Variants in TEX11 observed in about 807,000 individuals in gnomAD.
TEX11 encodes testis-expressed protein 11.
Under a neutral mutation model 84.4 loss-of-function variants are expected in TEX11, and 7 were observed. The observed-to-expected ratio is 0.08, with a 90% CI of 0.05 to 0.16. The LOEUF is 0.16. Ranked by LOEUF, TEX11 falls within the 10% of genes least tolerant of loss-of-function variation. The pLI is 1.00. For missense variants in TEX11, 551 were observed against 660.5 expected, an observed-to-expected ratio of 0.83 and a Z score of 1.82; for synonymous variants, 264 against 222.8, an observed-to-expected ratio of 1.18 and a Z score of -1.64.
In TEX11 at chrX:70,789,270, A is replaced by G. The variant is rs1295377893; in HGVS notation, c.692+17435T>C. Among the ~76,000 whole-genome samples the G allele has an allele frequency of 2.7e-5, 3 of 110,822 alleles. No homozygotes were observed. In the East Asian group the frequency reaches 8.5e-4, roughly 32 times the overall value. ...ACAGATATATGAAAAAATGCTCAAA[A>G]TCGCTACACATTAGGGAAGCTCAAA... On this transcript the variant is annotated intron_variant, in intron 9 of 29. Coordinates refer to ENST00000374333, the MANE Select transcript of TEX11 (RefSeq NM_031276.3).
intron 13 of TEX11, among the ~76,000 whole-genome samples, chrX:70,722,167 C>T (rs1199042364): frequency 8.9e-6 from 1 of 112,127 alleles, no homozygotes; most frequent in African/African-American, 3.2e-5. Flanking sequence ...AATAGAACTT[C>T]CCTGTGACAA....
At chrX:70,800,207 CAAA>C (rs2091178809) in intron 9 of TEX11, among the ~76,000 whole-genome samples, 1 of 110,442 alleles carries the variant, frequency 9.1e-6, no homozygotes, top group Non-Finnish European at 1.9e-5. Flanking sequence ...CTCATGAACA[CAAA>C]GAAGAGAACA....
At chrX:70,907,956 G>A (rs997591224) in intron 1 of TEX11, 146 bp from the exon 2 acceptor site, 12 of 439,797 alleles carry the variant, frequency 2.7e-5, no homozygotes, top group Admixed American at 4.1e-5. Flanking sequence ...AAGGGCTTTT[G>A]TGAGGGGCAG....
chrX:70,720,614 C>A (rs2090551131), intron 13 of TEX11, among the ~76,000 whole-genome samples: 1 of 110,067 alleles, frequency 9.1e-6, no homozygotes, highest in Non-Finnish European at 1.9e-5. Flanking sequence ...AATGCCTGGG[C>A]AATCTTTTCC....
At chrX:70,835,255 T>C (rs2091399403) in intron 7 of TEX11, among the ~76,000 whole-genome samples, 1 of 112,012 alleles carries the variant, frequency 8.9e-6, no homozygotes, top group African/African-American at 3.2e-5. Context: ...TTATAACATA[T>C]AAAACAATAT....
intron 17 of TEX11, among the ~76,000 whole-genome samples, chrX:70,635,566 C>T (rs2089561873): frequency 8.9e-6 from 1 of 112,449 alleles, no homozygotes; most frequent in Non-Finnish European, 1.9e-5. Context: ...GATGCAGTCT[C>T]TATCCTTAGG....
chrX:70,816,420 A>T (rs1314489010), intron 8 of TEX11, among the ~76,000 whole-genome samples: 1 of 111,896 alleles, frequency 8.9e-6, no homozygotes, highest in Non-Finnish European at 1.9e-5. Context: ...ATTCTATGCA[A>T]TCAGTCTAGT....
chrX:70,908,187 T>G (rs1301812028), intron 1 of TEX11, among the ~76,000 whole-genome samples: 1 of 111,700 alleles, frequency 9.0e-6, no homozygotes, highest in African/African-American at 3.3e-5. Context: ...GCACCTTCAG[T>G]ATCCTGCCCC....
At chrX:70,871,523 C>G (rs1335167679) in intron 4 of TEX11, among the ~76,000 whole-genome samples, 2 of 112,193 alleles carry the variant, frequency 1.8e-5, no homozygotes, top group East Asian at 5.5e-4. Context: ...TTCATCACAT[C>G]CAGGCACACT....
intron 13 of TEX11, among the ~76,000 whole-genome samples, chrX:70,697,423 C>T (rs777906113): frequency 4.1e-4 from 46 of 111,503 alleles, no homozygotes; most frequent in Middle Eastern, 9.1e-3. Context: ...TCCAATATAC[C>T]ACATGTCACC....
rs1167182936 is a variant in TEX11, at chrX:70,792,287, C to CAA, written c.692+14416_692+14417dup. On this transcript the variant is annotated intron_variant, in intron 9 of 29. Coordinates refer to ENST00000374333, the MANE Select transcript of TEX11 (RefSeq NM_031276.3). ...TGAGCTACAGGGCAAGGCTCTGTCTCAAAAAAAAAAAAAAAAAAAAAAAAA... is the reference window on the plus strand; with the variant it reads ...TGAGCTACAGGGCAAGGCTCTGTCTCAAAAAAAAAAAAAAAAAAAAAAAAAAA... Among the ~76,000 whole-genome samples the CAA allele has an allele frequency of 3.9e-3, 7 of 1,810 alleles. 2 individuals carry two copies. The highest frequency in any genetic ancestry group is 0.013 in the Non-Finnish European group (7 of 559). The allele number at this position is 1,810 out of a possible 115,157, so 1.6% of individuals were successfully genotyped here. A position where few individuals can be genotyped will look rare whatever the true frequency, so the allele number is the denominator to read the frequency against.
chrX:70,811,063 A>C (rs946543083), intron 8 of TEX11, among the ~76,000 whole-genome samples: 3 of 111,625 alleles, frequency 2.7e-5, no homozygotes, highest in African/African-American at 9.8e-5. Flanking sequence ...TCTAGGGTAC[A>C]TGTGCACAAC....
At chrX:70,750,933 AAT>A (rs1169707708) in intron 9 of TEX11, among the ~76,000 whole-genome samples, 3,982 of 28,140 alleles carry the variant, frequency 0.14, 272 homozygotes, top group Middle Eastern at 0.26. Context: ...AAAAAAAAAA[AAT>A]ATATATATAT....
chrX:70,634,531 T>A (rs962950987), intron 17 of TEX11, among the ~76,000 whole-genome samples: 3 of 111,073 alleles, frequency 2.7e-5, no homozygotes, highest in Non-Finnish European at 3.8e-5. Flanking sequence ...ATAGCTACAC[T>A]GATAAAGACA....
At chrX:70,763,611 T>TA (rs759192214) in intron 9 of TEX11, among the ~76,000 whole-genome samples, 37 of 108,729 alleles carry the variant, frequency 3.4e-4, no homozygotes, top group Non-Finnish European at 5.9e-4. Context: ...AATAAAAAAT[T>TA]AAAAAAAATA....
intron 13 of TEX11, among the ~76,000 whole-genome samples, chrX:70,704,695 C>T (rs113475889): frequency 0.015 from 1,672 of 111,277 alleles, 27 homozygotes; most frequent in African/African-American, 0.046. Flanking sequence ...CTTCTTTATT[C>T]TTCCATCATA....
rs1468088138 is a variant in TEX11, at chrX:70,575,790, G to A, written c.2140+15961C>T. Among the ~76,000 whole-genome samples the A allele has an allele frequency of 5.4e-5, 6 of 111,900 alleles. 2 individuals carry two copies. In the Admixed American group the frequency reaches 5.7e-4, roughly 11 times the overall value. The stretch of plus-strand genomic sequence containing the variant: ...AAGAGATAATCCCCAAACTAACAAT[G>A]TTCTCCTGTATTACTCCTGGCTTCT... On this transcript the variant is annotated intron_variant, in intron 25 of 29. Coordinates refer to ENST00000374333, the MANE Select transcript of TEX11 (RefSeq NM_031276.3).
intron 28 of TEX11, among the ~76,000 whole-genome samples, chrX:70,535,482 C>T (rs748245844): frequency 1.4e-4 from 16 of 110,714 alleles, no homozygotes; most frequent in African/African-American, 5.2e-4. Context: ...TGTGGTGGCT[C>T]ATGCCTATAA....
At chrX:70,853,468 T>C (rs988521688) in intron 5 of TEX11, 140 bp from the exon 6 acceptor site, 5 of 453,537 alleles carry the variant, frequency 1.1e-5, no homozygotes, top group Non-Finnish European at 1.9e-5. Context: ...ACAGTTAGCA[T>C]TTGTTAGAGT....
Sources: allele counts gnomAD v4.1 joint callset (sites outside exome capture counted in the v4.1 genomes callset), GRCh38; gene constraint gnomAD v4.1.1; transcripts MANE v1.5; gene names NCBI Gene and HGNC (gene_info 2026-07-23, HGNC 2026-07-21).